PCGF3: variants seen among roughly 807,000 people sequenced by gnomAD.
The protein encoded by PCGF3 is polycomb group ring finger 3, also known as polycomb group RING finger protein 3.
A neutral mutation model predicts 33.1 loss-of-function variants in PCGF3; 7 were observed. That is an observed-to-expected ratio of 0.21 (90% CI 0.12 to 0.40). PCGF3 has a LOEUF of 0.40. Among genes scored for constraint, PCGF3 ranks in the 10% least tolerant of loss-of-function variants. PCGF3 has a pLI of 1.00. For synonymous variants in PCGF3, 153 were observed against 121.3 expected, an observed-to-expected ratio of 1.26 and a Z score of -1.72; for missense variants, 211 against 313.3, an observed-to-expected ratio of 0.67 and a Z score of 2.46.
intron 6 of PCGF3, among the ~76,000 whole-genome samples, chr4:739,860 G>T (rs1744010538): frequency 6.6e-6 from 1 of 152,230 alleles, no homozygotes; most frequent in Admixed American, 6.5e-5. Context: ...AGAGGTTCCG[G>T]AGTGCTCCAG....
At chr4:756,715 C>T (rs1444677881) in intron 8 of PCGF3, among the ~76,000 whole-genome samples, 1 of 152,116 alleles carries the variant, frequency 6.6e-6, no homozygotes, top group Non-Finnish European at 1.5e-5. Context: ...ACAGCCACCA[C>T]CACCACCATC....
At chr4:732,072 T>C (rs1205145512) in intron 3 of PCGF3, among the ~76,000 whole-genome samples, 1 of 39,902 alleles carries the variant, frequency 2.5e-5, no homozygotes, top group African/African-American at 1.2e-4. Flanking sequence ...GTGGGCGTGG[T>C]CCTCAGGGGC....
intron 4 of PCGF3, chr4:734,407 G>C (rs1560205427): frequency 5.1e-5 from 70 of 1,370,906 alleles, no homozygotes; most frequent in Non-Finnish European, 6.4e-5. Flanking sequence ...AAAATGAAGT[G>C]TACGCTTATA....
rs1031312854 is a variant in PCGF3, at chr4:721,577, C to T, written c.-189-9053C>T. Among the ~76,000 whole-genome samples the T allele has an allele frequency of 1.3e-5, 2 of 152,028 alleles. No individual in the cohort carries two copies. Among genetic ancestry groups the T allele is most frequent in the Non-Finnish European group, 2.9e-5 (2 of 67,966 alleles). On this transcript the variant is annotated intron_variant, in intron 1 of 10. Coordinates refer to ENST00000362003, the Ensembl canonical transcript of PCGF3. This position sits in a 1 kb window ranked among gnomAD's most constrained non-coding sequence, Gnocchi z 4.1. ...GCAGAGTGCACTCGCTGGGGGTCAC[C>T]CTGCCCCCCAGGACTCCTTTCACAG...
intron 8 of PCGF3, among the ~76,000 whole-genome samples, chr4:754,733 A>G (rs1744692614): frequency 6.6e-6 from 1 of 152,130 alleles, no homozygotes; most frequent in South Asian, 2.1e-4. Flanking sequence ...GTGCTGTGGG[A>G]TGCAGCCTGG....
chr4:762,545 T>C (rs957277828), intron 9 of PCGF3: 3 of 152,322 alleles, frequency 2.0e-5, no homozygotes, highest in Non-Finnish European at 4.4e-5. Context: ...GTGAAAGGAC[T>C]GGCCAGCATG....
chr4:752,610 A>C (rs1417730649), intron 8 of PCGF3, among the ~76,000 whole-genome samples: 1 of 151,740 alleles, frequency 6.6e-6, no homozygotes, highest in East Asian at 1.9e-4. Context: ...TGCTGCCCTG[A>C]GCTGGGGTCC....
intron 1 of PCGF3, among the ~76,000 whole-genome samples, chr4:719,852 C>T (rs1293368809): frequency 6.6e-6 from 1 of 152,126 alleles, no homozygotes; most frequent in Non-Finnish European, 1.5e-5. Flanking sequence ...GGAAGGGACC[C>T]TAGCCCAGCT....
At chr4:734,052 C>G (rs1184822618) in intron 4 of PCGF3, 22 of 1,550,686 alleles carry the variant, frequency 1.4e-5, no homozygotes, top group Non-Finnish European at 1.9e-5. Flanking sequence ...CACGGAGCAG[C>G]AAGGCCAGTA....
At chr4:732,836 C>T (rs1743658528) in intron 3 of PCGF3, among the ~76,000 whole-genome samples, 2 of 152,252 alleles carry the variant, frequency 1.3e-5, no homozygotes, top group South Asian at 4.1e-4. Flanking sequence ...TGAGTCCCCA[C>T]CAGCCTCCGC....
intron 8 of PCGF3, among the ~76,000 whole-genome samples, chr4:760,417 CTG>C (rs1367020613): frequency 2.1e-5 from 3 of 146,236 alleles, no homozygotes; most frequent in South Asian, 2.2e-4. Flanking sequence ...TGAGAAGAAT[CTG>C]TGGTTCAGCC....
intron 1 of PCGF3, among the ~76,000 whole-genome samples, chr4:724,548 C>G (rs932162363): frequency 4.6e-5 from 7 of 152,172 alleles, no homozygotes; most frequent in Non-Finnish European, 1.0e-4. Context: ...TATTCTTGGC[C>G]GGGCACGGTG....
intron 6 of PCGF3, among the ~76,000 whole-genome samples, 172 bp downstream of exon 6, chr4:737,693 C>T (rs1024255293): frequency 3.3e-5 from 5 of 152,198 alleles, no homozygotes; most frequent in Non-Finnish European, 7.3e-5. Context: ...TCTCTTCTTT[C>T]GTCTAAGATG....
intron 8 of PCGF3, chr4:757,174 C>G (rs1345416421): frequency 2.0e-5 from 3 of 151,170 alleles, no homozygotes; most frequent in African/African-American, 7.3e-5. Context: ...ATCCCCCCCA[C>G]TCCCACCCCC....
chr4:719,083 T>C (rs767153277), intron 1 of PCGF3, among the ~76,000 whole-genome samples: 1 of 152,118 alleles, frequency 6.6e-6, no homozygotes, highest in Non-Finnish European at 1.5e-5. Flanking sequence ...GGCTCCTGAG[T>C]AGCTGGGACT....
intron 1 of PCGF3, among the ~76,000 whole-genome samples, chr4:716,198 T>TG (rs1742828185): frequency 5.3e-5 from 3 of 56,888 alleles, no homozygotes; most frequent in East Asian, 6.3e-4. Context: ...TGTAGACACT[T>TG]AGTGTGAGAA....
intron 8 of PCGF3, among the ~76,000 whole-genome samples, chr4:755,397 C>T (rs1744724279): frequency 6.6e-6 from 1 of 152,168 alleles, no homozygotes; most frequent in Non-Finnish European, 1.5e-5. Context: ...GTTCTTTGCC[C>T]ATCTCTGTCC....
intron 8 of PCGF3, chr4:756,873 A>C (rs547532180): frequency 6.6e-6 from 1 of 152,210 alleles, no homozygotes; most frequent in Non-Finnish European, 1.5e-5. Context: ...TGCCATGGCG[A>C]TGATCGAGAA....
chr4:765,093 C>G (rs755485398), intron 10 of PCGF3, 29 bp downstream of exon 10: 5 of 1,476,946 alleles, frequency 3.4e-6, no homozygotes, highest in Non-Finnish European at 4.7e-6. Context: ...TTTTCAGAGT[C>G]TGCTCTGAAT....
Sources: allele counts gnomAD v4.1 joint callset (sites outside exome capture counted in the v4.1 genomes callset), GRCh38; gene constraint gnomAD v4.1.1; non-coding constraint Gnocchi (gnomAD v3.1); transcripts MANE v1.5; gene names NCBI Gene and HGNC (gene_info 2026-07-23, HGNC 2026-07-21).